Variants in KALRN observed in about 807,000 individuals in gnomAD.
The protein encoded by KALRN is kalirin RhoGEF kinase.
A neutral mutation model predicts 353.7 loss-of-function variants in KALRN; 70 were observed. The ratio of observed to expected loss-of-function variants is 0.20; its 90% CI spans 0.16 to 0.24. The LOEUF (loss-of-function observed/expected upper bound fraction) is 0.24. Among genes scored for constraint, KALRN ranks in the 10% least tolerant of loss-of-function variants. The probability of loss-of-function intolerance (pLI) is 1.00; values close to 1 mark genes in which losing one functional copy is unlikely to be tolerated. For missense variants in KALRN, 2,791 were observed against 3,756.7 expected, an observed-to-expected ratio of 0.74 and a Z score of 6.72; for synonymous variants, 1,391 against 1,434.8, an observed-to-expected ratio of 0.97 and a Z score of 0.69.
intron 4 of KALRN, among the ~76,000 whole-genome samples, chr3:124,268,225 T>G (rs1030777207): frequency 2.0e-5 from 3 of 152,272 alleles, no homozygotes; most frequent in African/African-American, 7.2e-5. Flanking sequence ...TCCCTAGTTC[T>G]GTTCACCATA....
intron 12 of KALRN, among the ~76,000 whole-genome samples, chr3:124,396,450 A>G (rs1365086680): frequency 6.6e-6 from 1 of 152,212 alleles, no homozygotes; most frequent in African/African-American, 2.4e-5. Context: ...TCATGAATAT[A>G]TAATACATGA....
At chr3:124,605,988 C>G (rs1343774764) in intron 34 of KALRN, among the ~76,000 whole-genome samples, 1 of 152,144 alleles carries the variant, frequency 6.6e-6, no homozygotes, top group Non-Finnish European at 1.5e-5. Context: ...GATTGGAAAA[C>G]CTACTTCTGA....
At chr3:124,367,542 C>T (rs1374037058) in intron 10 of KALRN, among the ~76,000 whole-genome samples, 2 of 79,280 alleles carry the variant, frequency 2.5e-5, no homozygotes, top group African/African-American at 5.3e-5. Flanking sequence ...CCGGACGGGG[C>T]GGCTGGCCGG....
At chr3:124,526,482 G>A (rs2067603235) in intron 33 of KALRN, among the ~76,000 whole-genome samples, 1 of 152,110 alleles carries the variant, frequency 6.6e-6, no homozygotes, top group Non-Finnish European at 1.5e-5. Flanking sequence ...GGCTGAGGTG[G>A]GAGGATCACT....
In KALRN at chr3:124,724,202, T is replaced by C. The variant is rs1165459877; in HGVS notation, c.*4732T>C. ...GGGAGCAAATATGATATAAACTAAA[T>C]TTTGCATTAACTAAAACTTTGTCCC... On this transcript the variant is annotated 3_prime_UTR_variant, in exon 60 of 60. Transcript: ENST00000682506. The C allele has an allele frequency of 6.6e-6, 1 of 152,140 alleles. No individual in the cohort carries two copies. Among genetic ancestry groups the C allele is most frequent in the African/African-American group, 2.4e-5 (1 of 41,426 alleles). The allele number at this position is 152,140 out of a possible 1,614,324, so 9.4% of individuals were successfully genotyped here.
At chr3:124,556,870 T>C (rs887817563) in intron 33 of KALRN, among the ~76,000 whole-genome samples, 2 of 152,224 alleles carry the variant, frequency 1.3e-5, no homozygotes, top group Non-Finnish European at 2.9e-5. Flanking sequence ...CTGTTTCCTA[T>C]GAATAGGGTT....
rs534112289 is a variant in KALRN, at chr3:124,420,342, A to G, written c.2543-2470A>G. Among the ~76,000 whole-genome samples the G allele has an allele frequency of 2.0e-5, 3 of 152,352 alleles. No individual in the cohort carries two copies. In the East Asian group the frequency reaches 5.8e-4, roughly 29 times the overall value. The stretch of plus-strand genomic sequence containing the variant: ...TTTGCCCAAGCCCAGCATCCTGAAC[A>G]CCAGAGACACATACAGAATGAATAT... On this transcript the variant is annotated intron_variant, in intron 14 of 59. Transcript: ENST00000682506.
chr3:124,519,094 G>A (rs2066941649), intron 33 of KALRN: 2 of 985,696 alleles, frequency 2.0e-6, no homozygotes, highest in Middle Eastern at 5.2e-4. Context: ...ATTTTTTCAG[G>A]TTTTTCTAGC....
At chr3:124,321,179 T>C (rs1026017529) in intron 6 of KALRN, among the ~76,000 whole-genome samples, 7 of 152,226 alleles carry the variant, frequency 4.6e-5, no homozygotes, top group Non-Finnish European at 8.8e-5. Flanking sequence ...CCACAGAGAA[T>C]GTGTCTCATT....
chr3:124,424,708 G>A (rs2092940495), intron 15 of KALRN, among the ~76,000 whole-genome samples: 1 of 152,172 alleles, frequency 6.6e-6, no homozygotes, highest in African/African-American at 2.4e-5. Flanking sequence ...ATCCTAGCAG[G>A]CCCAGAACAG....
chr3:124,682,687 C>T (rs1025622147), intron 51 of KALRN, among the ~76,000 whole-genome samples: 11 of 152,118 alleles, frequency 7.2e-5, no homozygotes, highest in Non-Finnish European at 1.6e-4. Context: ...GGCATTTGTC[C>T]CACCATGGTG....
chr3:124,381,818 G>A (rs1420212681), intron 10 of KALRN, among the ~76,000 whole-genome samples: 1 of 152,182 alleles, frequency 6.6e-6, no homozygotes, highest in African/African-American at 2.4e-5. Context: ...CTGCCTTTAA[G>A]GAGCTCACAG....
chr3:124,677,701 A>G (rs1345968513), intron 49 of KALRN: 2 of 431,330 alleles, frequency 4.6e-6, no homozygotes, highest in East Asian at 7.0e-5. Flanking sequence ...CTGCCCAAAT[A>G]CAAATCATGA....
chr3:124,641,192 T>C (rs191562333), intron 37 of KALRN, among the ~76,000 whole-genome samples: 1 of 152,286 alleles, frequency 6.6e-6, no homozygotes, highest in African/African-American at 2.4e-5. Flanking sequence ...AGGGTTTATC[T>C]GCAGTGCAGA....
intron 6 of KALRN, among the ~76,000 whole-genome samples, chr3:124,310,344 C>A (rs2078132781): frequency 6.6e-6 from 1 of 152,166 alleles, no homozygotes; most frequent in Non-Finnish European, 1.5e-5. Context: ...CTCCTCAAAT[C>A]CTTGATCTAT....
In KALRN at chr3:124,537,454, T is replaced by G. The variant is rs1007324976; in HGVS notation, c.4936-25389T>G. On this transcript the variant is annotated intron_variant, in intron 33 of 59. Transcript: ENST00000682506. ...TGGAATAGAGATACAAATATCATTC[T>G]GCTAGAGTGAAAAGGTAGGGAGATG... 3.3e-5 allele frequency among the ~76,000 whole-genome samples: 5 copies of G among 152,192 alleles called. No individual in the cohort carries two copies. In the South Asian group the frequency reaches 1.0e-3, roughly 32 times the overall value.
At chr3:124,054,200 T>A (rs72970968) in intron 1 of KALRN, among the ~76,000 whole-genome samples, 117 of 152,146 alleles carry the variant, frequency 7.7e-4, no homozygotes, top group African/African-American at 2.8e-3. Flanking sequence ...CACATCCTCC[T>A]CTATATCTTC....
chr3:124,158,518 T>G (rs2069368251), intron 1 of KALRN, among the ~76,000 whole-genome samples: 1 of 152,164 alleles, frequency 6.6e-6, no homozygotes, highest in Admixed American at 6.5e-5. Context: ...ATTCATGTGG[T>G]GATTTGCAAA....
chr3:124,120,711 A>AAAAT (rs2063900705), intron 1 of KALRN, among the ~76,000 whole-genome samples: 2 of 98,946 alleles, frequency 2.0e-5, no homozygotes, highest in East Asian at 3.7e-4. Flanking sequence ...GAATACTAAA[A>AAAAT]ATATATATAT....
Sources: allele counts gnomAD v4.1 joint callset (sites outside exome capture counted in the v4.1 genomes callset), GRCh38; gene constraint gnomAD v4.1.1; transcripts MANE v1.5; gene names NCBI Gene and HGNC (gene_info 2026-07-23, HGNC 2026-07-21).